The following STAM2 variants were observed in gnomAD, a reference collection of about 807,000 sequenced individuals.
STAM2 encodes the protein signal transducing adapter molecule 2.
STAM2 carries 51 observed loss-of-function variants against 65.6 expected under a neutral mutation model. The ratio of observed to expected loss-of-function variants is 0.78; its 90% confidence interval spans 0.62 to 0.98. STAM2 has a LOEUF of 0.98. Among genes scored for constraint, STAM2 ranks in the 50% least tolerant of loss-of-function variants. STAM2 has a pLI of 0.00. For missense variants in STAM2, 584 were observed against 617.8 expected (o/e 0.95, Z 0.58); for synonymous variants, 198 against 208.4 (o/e 0.95, Z 0.43).
At chr2:152,147,893 A>G in intron 4 of STAM2, 131 bp downstream of exon 4, 1 of 716,068 alleles carries the variant, frequency 1.4e-6, no homozygotes, top group Non-Finnish European at 2.3e-6. Flanking sequence ...AAATTTCAGA[A>G]CAGTTTATTT....
chr2:152,117,638 T>C lies in STAM2; in HGVS notation c.*2936A>G, dbSNP rs1454782803. 1.3e-5 allele frequency: 2 copies of C among 152,190 alleles called. No homozygotes were observed. The highest frequency in any genetic ancestry group is 4.8e-5 in the African/African-American group (2 of 41,440). The allele number at this position is 152,190 out of a possible 1,614,324, so 9.4% of individuals were successfully genotyped here. A position where few individuals can be genotyped will look rare whatever the true frequency, so the allele number is the denominator to read the frequency against. ...ATAGATCAGTGCTATTTATAATTTA[T>C]TACTTATCAAAGTAACTCCAGCTTT... On this transcript the variant is annotated 3_prime_UTR_variant, in exon 14 of 14. Transcript: ENST00000263904.
chr2:152,172,380 T>A (rs1253876847), intron 1 of STAM2, among the ~76,000 whole-genome samples: 7 of 152,048 alleles, frequency 4.6e-5, no homozygotes. Context: ...TCCTAAGACA[T>A]CTTGACCCAT....
In STAM2 at chr2:152,118,774, T is replaced by G. The variant is rs138345433; in HGVS notation, c.*1800A>C. 2.6e-5 allele frequency: 4 copies of G among 152,096 alleles called. No individual in the cohort carries two copies. In the East Asian group the frequency reaches 7.7e-4, roughly 29 times the overall value. 9.4% of individuals were successfully genotyped at this position (152,096 alleles called of 1,614,324 possible). On this transcript the variant is annotated 3_prime_UTR_variant, in exon 14 of 14. Transcript: ENST00000263904. ...TTTGTTTCCAAAAAGTAAGGTGCCA[T>G]TCAGAAGTATATAATTGAATTAACA...
chr2:152,132,154 T>A lies in STAM2; in HGVS notation c.985A>T (p.Met329Leu). The A allele has an allele frequency of 1.9e-6, 3 of 1,610,940 alleles. No individual in the cohort carries two copies. The highest frequency in any genetic ancestry group is 1.3e-5 in the African/African-American group (1 of 74,954). Reference protein sequence around the residue: ...LLDLEDICQQMGPMIDEKLEE... With the variant: ...LLDLEDICQQLGPMIDEKLEE... ...AGTTTTTCATCTATCATTGGACCCATCTGTTGGCAGATATCTGTAAATACA... is the reference window on the plus strand; with the variant it reads ...AGTTTTTCATCTATCATTGGACCCAACTGTTGGCAGATATCTGTAAATACA... Residue 329 changes from methionine (M) to leucine (L), a missense_variant, in exon 11 of 14, where the codon ATG becomes TTG. By Grantham distance (15) the Met-to-Leu change is conservative (BLOSUM62 2). Coordinates refer to ENST00000263904, the MANE Select transcript of STAM2 (RefSeq NM_005843.6).
At chr2:152,142,728 A>C (rs568030411) in intron 7 of STAM2, among the ~76,000 whole-genome samples, 1 of 152,198 alleles carries the variant, frequency 6.6e-6, no homozygotes, top group Non-Finnish European at 1.5e-5. Flanking sequence ...CTGTATTTCT[A>C]TCTATTCTCC....
intron 4 of STAM2, among the ~76,000 whole-genome samples, 161 bp from the exon 5 acceptor site, chr2:152,147,469 A>G (rs1044248366): frequency 6.6e-6 from 1 of 152,220 alleles, no homozygotes; most frequent in African/African-American, 2.4e-5. Flanking sequence ...ATAGATGCCT[A>G]TTTACATGTT....
At chr2:152,173,958 G>A (rs1186426448) in intron 1 of STAM2, among the ~76,000 whole-genome samples, 2 of 152,202 alleles carry the variant, frequency 1.3e-5, no homozygotes, top group Non-Finnish European at 2.9e-5. Flanking sequence ...TATGGCACTG[G>A]CCATAAAATA....
At chr2:152,136,372 G>C (rs1040148819) in intron 7 of STAM2, among the ~76,000 whole-genome samples, 15 of 152,210 alleles carry the variant, frequency 9.9e-5, no homozygotes, top group Middle Eastern at 3.4e-3. Flanking sequence ...GAACCAAGAA[G>C]GCAGAGGTTG....
rs1688785022 is a variant in STAM2, at chr2:152,118,236, T to C, written c.*2338A>G. ...AATTATAAACAGGTCTTAATATAAA[T>C]AGAATCCATAAGCCCATAAAAAGGG... On this transcript the variant is annotated 3_prime_UTR_variant, in exon 14 of 14. Coordinates refer to ENST00000263904, the MANE Select transcript of STAM2 (RefSeq NM_005843.6). The C allele has an allele frequency of 6.6e-6, 1 of 151,968 alleles. No homozygotes were observed. Among genetic ancestry groups the C allele is most frequent in the African/African-American group, 2.4e-5 (1 of 41,420 alleles). The allele number at this position is 151,968 out of a possible 1,614,324, so 9.4% of individuals were successfully genotyped here.
At chr2:152,159,694 A>T (rs1689623079) in intron 1 of STAM2, among the ~76,000 whole-genome samples, 1 of 152,118 alleles carries the variant, frequency 6.6e-6, no homozygotes, top group Non-Finnish European at 1.5e-5. Context: ...CCTCGTTTTT[A>T]AAAGAACAGG....
chr2:152,121,146 A>T (rs889835442), intron 13 of STAM2, among the ~76,000 whole-genome samples: 53 of 152,078 alleles, frequency 3.5e-4, no homozygotes, highest in Non-Finnish European at 6.0e-4. Context: ...TTAAAAAAAA[A>T]TTTTTGTTGT....
At chr2:152,160,293 TTCCCGGCC>T (rs1689639137) in intron 1 of STAM2, among the ~76,000 whole-genome samples, 1 of 150,036 alleles carries the variant, frequency 6.7e-6, no homozygotes, top group Non-Finnish European at 1.5e-5. Context: ...GGAGCGCCTC[TTCCCGGCC>T]GCCATCCCAT....
rs377659393 is a variant in STAM2 at position 152,133,573 on chromosome 2, G to GA, written c.800-90dup. 3.4e-3 allele frequency: 3,045 copies of GA among 892,542 alleles called. 2 individuals are homozygous for GA. Among genetic ancestry groups the GA allele is most frequent in the South Asian group, 5.3e-3 (317 of 59,662 alleles). 55.3% of individuals were successfully genotyped at this position (892,542 alleles called of 1,614,324 possible). A position where few individuals can be genotyped will look rare whatever the true frequency, so the allele number is the denominator to read the frequency against. ...ATAAGTGGCCTATGATTGTCCATAA[G>GA]AAAAAAAAATAAAAGTCCTTCAAAT... On this transcript the variant is annotated intron_variant, in intron 8 of 13. Coordinates refer to ENST00000263904, the MANE Select transcript of STAM2 (RefSeq NM_005843.6).
At chr2:152,141,138 C>CAA (rs72256027) in intron 7 of STAM2, among the ~76,000 whole-genome samples, 1,720 of 109,590 alleles carry the variant, frequency 0.016, 28 homozygotes, top group African/African-American at 0.057. Context: ...GACCCTGTCT[C>CAA]AAAAAAAAAA....
chr2:152,161,494 TAAAAA>T (rs10714838), intron 1 of STAM2, among the ~76,000 whole-genome samples: 1 of 103,598 alleles, frequency 9.7e-6, no homozygotes, highest in East Asian at 3.4e-4. Context: ...GAATGATCAA[TAAAAA>T]AAAAAAAAAA....
intron 1 of STAM2, among the ~76,000 whole-genome samples, chr2:152,160,924 G>A (rs1689660170): frequency 6.6e-6 from 1 of 151,568 alleles, no homozygotes; most frequent in South Asian, 2.1e-4. Flanking sequence ...GAGGTGAGGG[G>A]CGCCTCTGCC....
rs536095564 is a variant in STAM2 at position 152,117,223 on chromosome 2, C to A, written c.*3351G>T. On this transcript the variant is annotated 3_prime_UTR_variant, in exon 14 of 14. Transcript: ENST00000263904. ...GAGACAGGATCTCATTCTGTCAGGC[C>A]GGAGTGCAGTGGCGTGATCACACCT... The A allele has an allele frequency of 6.6e-6, 1 of 152,082 alleles. No homozygotes were observed. Among genetic ancestry groups the A allele is most frequent in the Admixed American group, 6.6e-5 (1 of 15,254 alleles). 9.4% of individuals were successfully genotyped at this position (152,082 alleles called of 1,614,324 possible). A position where few individuals can be genotyped will look rare whatever the true frequency, so the allele number is the denominator to read the frequency against.
chr2:152,118,716 T>G lies in STAM2; in HGVS notation c.*1858A>C. 6.6e-6 allele frequency: 1 copy of G among 151,910 alleles called. No homozygotes were observed. The allele number at this position is 151,910 out of a possible 1,614,324, so 9.4% of individuals were successfully genotyped here. A position where few individuals can be genotyped will look rare whatever the true frequency, so the allele number is the denominator to read the frequency against. On this transcript the variant is annotated 3_prime_UTR_variant, in exon 14 of 14. Transcript: ENST00000263904. ...AGCTTTGGATTTTTTTTAAATGTTT[T>G]TTAAAAATTATTATTTTGTAAATAA...
chr2:152,173,619 A>G (rs2105574782), intron 1 of STAM2, among the ~76,000 whole-genome samples: 1 of 151,512 alleles, frequency 6.6e-6, no homozygotes, highest in African/African-American at 2.4e-5. Context: ...CTGGTCTCAA[A>G]CTCCCGACCT....
Sources: allele counts gnomAD v4.1 joint callset (sites outside exome capture counted in the v4.1 genomes callset), GRCh38; gene constraint gnomAD v4.1.1; transcripts MANE v1.5; gene names NCBI Gene and HGNC (gene_info 2026-07-23, HGNC 2026-07-21).